The following COBLL1 variants were observed in gnomAD, a reference collection of about 807,000 sequenced individuals.
COBLL1 encodes the protein cordon-bleu protein-like 1.
A neutral mutation model predicts 94.8 loss-of-function variants in COBLL1; 50 were observed. The ratio of observed to expected loss-of-function variants is 0.53; its 90% CI spans 0.42 to 0.67. COBLL1 has a LOEUF of 0.67. Ranked by LOEUF, COBLL1 falls within the 30% of genes least tolerant of loss-of-function variation. COBLL1 has a pLI of 0.00. For missense variants in COBLL1, 1,362 were observed against 1,348.7 expected, an observed-to-expected ratio of 1.01 and a Z score of -0.15; for synonymous variants, 448 against 473.8, an observed-to-expected ratio of 0.95 and a Z score of 0.71.
chr2:164,713,029 T>C (rs1261307097), intron 7 of COBLL1, among the ~76,000 whole-genome samples: 6 of 152,170 alleles, frequency 3.9e-5, no homozygotes, highest in Non-Finnish European at 7.4e-5. Context: ...TTGTGATTTG[T>C]AAAAATAAAA....
chr2:164,750,226 T>C (rs1687062227), intron 2 of COBLL1, among the ~76,000 whole-genome samples: 1 of 152,174 alleles, frequency 6.6e-6, no homozygotes, highest in African/African-American at 2.4e-5. Context: ...GTCCCATAGG[T>C]ATCTCAAATG....
chr2:164,757,522 A>C (rs902287077), intron 2 of COBLL1, among the ~76,000 whole-genome samples: 1 of 152,218 alleles, frequency 6.6e-6, no homozygotes, highest in Non-Finnish European at 1.5e-5. Context: ...TTTACATAAG[A>C]AAATGCACAA....
At chr2:164,769,272 C>T (rs1467067185) in intron 2 of COBLL1, among the ~76,000 whole-genome samples, 1 of 152,124 alleles carries the variant, frequency 6.6e-6, no homozygotes, top group Admixed American at 6.5e-5. Context: ...AAAACAAGAA[C>T]CTGCACAAAG....
intron 2 of COBLL1, among the ~76,000 whole-genome samples, chr2:164,659,865 C>T (rs913605401): frequency 6.6e-6 from 1 of 152,096 alleles, no homozygotes; most frequent in African/African-American, 2.4e-5. Context: ...GTATCCCACA[C>T]AAAGTTGCTT....
intron 2 of COBLL1, among the ~76,000 whole-genome samples, chr2:164,836,778 C>T (rs918869586): frequency 6.6e-6 from 1 of 152,190 alleles, no homozygotes; most frequent in African/African-American, 2.4e-5. Flanking sequence ...TCCATGTCAG[C>T]TATTGATATC....
chr2:164,829,879 T>C (rs1682984431), intron 2 of COBLL1, among the ~76,000 whole-genome samples: 1 of 152,186 alleles, frequency 6.6e-6, no homozygotes, highest in Non-Finnish European at 1.5e-5. Flanking sequence ...TAAAGGCATC[T>C]CCCTTCTCAA....
intron 3 of COBLL1, among the ~76,000 whole-genome samples, chr2:164,730,334 A>AAT (rs921220513): frequency 4.7e-4 from 19 of 40,322 alleles, no homozygotes; most frequent in African/African-American, 8.2e-4. Flanking sequence ...TACAAAAAAT[A>AAT]AAAAAAAAAA....
At chr2:164,829,999 C>T (rs1220275432) in intron 2 of COBLL1, among the ~76,000 whole-genome samples, 1 of 152,128 alleles carries the variant, frequency 6.6e-6, no homozygotes, top group Non-Finnish European at 1.5e-5. Context: ...AAAGAGAGTC[C>T]TAGGGCCATG....
intron 2 of COBLL1, among the ~76,000 whole-genome samples, chr2:164,757,768 T>C (rs1479166234): frequency 6.6e-6 from 1 of 151,900 alleles, no homozygotes; most frequent in Non-Finnish European, 1.5e-5. Flanking sequence ...GCCAAGATCA[T>C]GCCACTGCAC....
At chr2:164,729,871 T>C (rs1340619761) in intron 4 of COBLL1, 43 bp downstream of exon 4, 18 of 1,505,724 alleles carry the variant, frequency 1.2e-5, no homozygotes, top group Admixed American at 5.0e-5. Flanking sequence ...GAGCTGCTGA[T>C]AATGACTGAA....
chr2:164,728,814 C>A (rs1179184838), intron 4 of COBLL1, among the ~76,000 whole-genome samples: 1 of 151,862 alleles, frequency 6.6e-6, no homozygotes. Context: ...ATATTTAAAT[C>A]TCTTCATTAA....
In COBLL1 at chr2:164,841,211, C is replaced by G. The variant is rs1282557997; in HGVS notation, c.-15G>C. Reference sequence around the variant, plus strand: ...CGGCCGTCCATCGCCCTGCGGGGCGCTGCGCGGGCTCCAGCTCCCAGGCGG... The same window carrying G: ...CGGCCGTCCATCGCCCTGCGGGGCGGTGCGCGGGCTCCAGCTCCCAGGCGG... On this transcript the variant is annotated 5_prime_UTR_variant, in exon 2 of 14. Transcript: ENST00000652658. The surrounding 1 kb of genome is among the most constrained non-coding windows in gnomAD (Gnocchi z 5.5). 2 of 1,231,588 alleles carry G rather than the reference C, an allele frequency of 1.6e-6. No individual in the cohort carries two copies. The highest frequency in any genetic ancestry group is 3.1e-5 in the African/African-American group (2 of 64,220). The allele number at this position is 1,231,588 out of a possible 1,614,324, so 76.3% of individuals were successfully genotyped here.
In COBLL1 at chr2:164,743,877, TA is replaced by T. The variant is rs1686725085; in HGVS notation, c.42-3del. On this transcript the variant is annotated splice_polypyrimidine_tract_variant and splice_region_variant and intron_variant, in intron 2 of 13. Coordinates refer to ENST00000652658, the MANE Select transcript of COBLL1 (RefSeq NM_001365672.2). ...GGTGCCTTGGCTTTTGGTTTTCTCC[TA>T]AAATATAAAGAAAACACAAAAAATA... 1 of 1,525,314 alleles carries T rather than the reference TA, an allele frequency of 6.6e-7. No homozygotes were observed. The highest frequency in any genetic ancestry group is 8.8e-7 in the Non-Finnish European group (1 of 1,135,830). 94.5% of individuals were successfully genotyped at this position (1,525,314 alleles called of 1,614,324 possible). A position where few individuals can be genotyped will look rare whatever the true frequency, so the allele number is the denominator to read the frequency against.
chr2:164,669,995 T>C (rs757940231), intron 1 of COBLL1, among the ~76,000 whole-genome samples: 8 of 152,220 alleles, frequency 5.3e-5, no homozygotes, highest in Admixed American at 3.3e-4. Context: ...GTGACTGTCA[T>C]TGCCGCTCCT....
chr2:164,818,600 C>A (rs1250441406), intron 2 of COBLL1, among the ~76,000 whole-genome samples: 1 of 137,920 alleles, frequency 7.3e-6, no homozygotes, highest in Non-Finnish European at 1.5e-5. Context: ...ACATATATAG[C>A]ATATGTGTAC....
rs570117832 is a variant in COBLL1 at position 164,782,439 on chromosome 2, C to A, written c.42-38564G>T. Among the ~76,000 whole-genome samples, 4 of 152,190 alleles carry A rather than the reference C, an allele frequency of 2.6e-5. 1 individual carries two copies. The highest frequency in any genetic ancestry group is 2.6e-4 in the Admixed American group (4 of 15,268). On this transcript the variant is annotated intron_variant, in intron 2 of 13. Coordinates refer to ENST00000652658, the MANE Select transcript of COBLL1 (RefSeq NM_001365672.2). ...TGAGCAAGAAAGATCAAACCAGTTT[C>A]TTTCCATTATTTTGCAATCGGTGAC...
intron 2 of COBLL1, among the ~76,000 whole-genome samples, chr2:164,660,193 G>A (rs1265035832): frequency 6.6e-6 from 1 of 152,154 alleles, no homozygotes; most frequent in East Asian, 1.9e-4. Context: ...GACTCTGATA[G>A]CATAGCACCA....
At chr2:164,733,791 A>G (rs973107013) in intron 3 of COBLL1, among the ~76,000 whole-genome samples, 1 of 152,236 alleles carries the variant, frequency 6.6e-6, no homozygotes, top group African/African-American at 2.4e-5. Flanking sequence ...AATATGCCCA[A>G]TGGAATTTTC....
intron 7 of COBLL1, among the ~76,000 whole-genome samples, chr2:164,707,512 T>G (rs1684665097): frequency 6.6e-6 from 1 of 152,212 alleles, no homozygotes; most frequent in African/African-American, 2.4e-5. Flanking sequence ...GATTTATTTC[T>G]ATGATGAGCA....
Sources: gnomAD v4.1 joint callset for allele counts (sites outside exome capture counted in the v4.1 genomes callset) on GRCh38, gnomAD v4.1.1 for gene constraint, Gnocchi (gnomAD v3.1) non-coding constraint, MANE v1.5 for transcripts, NCBI Gene and HGNC (gene_info 2026-07-23, HGNC 2026-07-21) for gene names.